The following QSER1 variants were observed in gnomAD, a reference collection of about 807,000 sequenced individuals.
QSER1 encodes glutamine and serine rich 1, also known as glutamine and serine-rich protein 1.
In QSER1, 49 loss-of-function variants were observed where a neutral mutation model predicts 158.5. The observed-to-expected ratio is 0.31, with a 90% confidence interval of 0.25 to 0.39. The LOEUF is 0.39. Among genes scored for constraint, QSER1 ranks in the 10% least tolerant of loss-of-function variants. The pLI, the probability that QSER1 is intolerant of heterozygous loss-of-function variation, is 1.00. For missense variants in QSER1, 1,754 were observed against 2,010.3 expected, an observed-to-expected ratio of 0.87 and a Z score of 2.44; for synonymous variants, 650 against 715.5, an observed-to-expected ratio of 0.91 and a Z score of 1.46.
At chr11:32,962,641 T>G (rs1488110677) in intron 8 of QSER1, among the ~76,000 whole-genome samples, 1 of 152,228 alleles carries the variant, frequency 6.6e-6, no homozygotes, top group African/African-American at 2.4e-5. Context: ...TGGTTCTAGC[T>G]CTTAAGGTCA....
chr11:32,943,920 A>G (rs1852284668), intron 4 of QSER1, among the ~76,000 whole-genome samples: 1 of 150,820 alleles, frequency 6.6e-6, no homozygotes, highest in East Asian at 2.0e-4. Flanking sequence ...AGATCCTGTT[A>G]TTGGTCTATT....
In QSER1 at chr11:32,932,830, A is replaced by C. The variant is rs367914802; in HGVS notation, c.1572A>C (p.Ser524=). Residue 524 remains serine, a synonymous_variant, in exon 4 of 13, where the codon TCA becomes TCC. Coordinates refer to ENST00000650167, the MANE Select transcript of QSER1 (RefSeq NM_001076786.3). Reference sequence around the variant, plus strand: ...CTGAAAATCAGACGCTTAATTATTCATCTAATCAGCAAGAGGTATTGTCTT... The same window carrying C: ...CTGAAAATCAGACGCTTAATTATTCCTCTAATCAGCAAGAGGTATTGTCTT... The part of the protein sequence containing the change: ...VTPENQTLNY[S]SNQQEVLSSV... The C allele has an allele frequency of 6.4e-5, 103 of 1,613,930 alleles. No homozygotes were observed. Among genetic ancestry groups the C allele is most frequent in the Non-Finnish European group, 8.0e-5 (94 of 1,179,982 alleles).
intron 1 of QSER1, among the ~76,000 whole-genome samples, chr11:32,897,938 T>TA (rs1406742682): frequency 2.0e-5 from 3 of 152,208 alleles, no homozygotes; most frequent in Admixed American, 6.5e-5. Flanking sequence ...TTGAATCTAA[T>TA]GTCTTGAAAC....
chr11:32,953,705 C>T, intron 4 of QSER1, 152 bp from the exon 5 acceptor site: 1 of 866,312 alleles, frequency 1.2e-6, no homozygotes, highest in Admixed American at 3.0e-5. Context: ...TGGAAATTAA[C>T]ATCTGTTGTC....
In QSER1 at chr11:32,933,609, T is replaced by G. The variant is rs1178184667; in HGVS notation, c.2351T>G (p.Leu784Arg). ...GGCCAAGTCAATAATGCAGCTACCC[T>G]TGATCTTAAGAACTCAACTAATTTA... ...QIGQVNNAATLDLKNSTNLIQ... is the reference protein window; with the variant it reads ...QIGQVNNAATRDLKNSTNLIQ... The change falls in exon 4 of 13, where the codon CTT becomes CGT. Residue 784 changes from leucine to arginine, a missense_variant. Physicochemically the swap from Leu to Arg is moderately radical, Grantham distance 102. Transcript: ENST00000650167. 6 of 1,613,914 alleles carry G rather than the reference T, an allele frequency of 3.7e-6. No individual in the cohort carries two copies. The highest frequency in any genetic ancestry group is 5.1e-6 in the Non-Finnish European group (6 of 1,179,954).
chr11:32,894,090 G>C (rs558871049), intron 1 of QSER1, among the ~76,000 whole-genome samples: 30 of 152,242 alleles, frequency 2.0e-4, no homozygotes, highest in Admixed American at 5.2e-4. Flanking sequence ...GGTTGGGGTG[G>C]GGGTAGTGAA....
At chr11:32,966,227 C>A in intron 8 of QSER1, 73 bp from the exon 9 acceptor site, 1 of 1,491,740 alleles carries the variant, frequency 6.7e-7, no homozygotes, top group South Asian at 1.3e-5. Flanking sequence ...CTTCTAGGGT[C>A]TCGTTATAGA....
chr11:32,952,593 T>C (rs989227578), intron 4 of QSER1, among the ~76,000 whole-genome samples: 2 of 152,172 alleles, frequency 1.3e-5, no homozygotes, highest in African/African-American at 2.4e-5. Context: ...GGTTTTGGTA[T>C]TGGAATAATA....
chr11:32,904,453 G>A (rs1020145071), intron 1 of QSER1, among the ~76,000 whole-genome samples: 37 of 152,102 alleles, frequency 2.4e-4, no homozygotes, highest in Admixed American at 1.2e-3. Flanking sequence ...GCCTCTCAAA[G>A]TGCTGGGATT....
intron 1 of QSER1, among the ~76,000 whole-genome samples, chr11:32,904,601 CT>C (rs61491135): frequency 0.035 from 4,055 of 114,328 alleles, 123 homozygotes; most frequent in African/African-American, 0.12. Flanking sequence ...CATATCCACT[CT>C]TTTTTTTTTT....
chr11:32,895,335 C>A (rs1422870381), intron 1 of QSER1, among the ~76,000 whole-genome samples: 2 of 152,152 alleles, frequency 1.3e-5, no homozygotes, highest in African/African-American at 4.8e-5. Context: ...GTTTACCCCC[C>A]TCCCCCGCCA....
chr11:32,920,667 T>C (rs1851888827), intron 1 of QSER1, among the ~76,000 whole-genome samples: 1 of 152,144 alleles, frequency 6.6e-6, no homozygotes, highest in Non-Finnish European at 1.5e-5. Flanking sequence ...ACTTTAATAA[T>C]AAAAAGATAA....
At chr11:32,894,772 T>A (rs1189960727) in intron 1 of QSER1, among the ~76,000 whole-genome samples, 1 of 152,208 alleles carries the variant, frequency 6.6e-6, no homozygotes, top group African/African-American at 2.4e-5. Flanking sequence ...GCTAAGTAAT[T>A]AAATGCTGAA....
At chr11:32,916,820 T>C (rs978386563) in intron 1 of QSER1, among the ~76,000 whole-genome samples, 2 of 151,120 alleles carry the variant, frequency 1.3e-5, no homozygotes, top group African/African-American at 4.9e-5. Context: ...AGAGTCTCGC[T>C]CTGTTGCCCA....
chr11:32,914,625 T>C (rs1346613531), intron 1 of QSER1, among the ~76,000 whole-genome samples: 3 of 152,218 alleles, frequency 2.0e-5, no homozygotes, highest in African/African-American at 7.2e-5. Flanking sequence ...GGAATGTGTT[T>C]TATTTCTTAA....
intron 1 of QSER1, among the ~76,000 whole-genome samples, chr11:32,922,389 A>C (rs1281084903): frequency 2.0e-5 from 3 of 152,162 alleles, no homozygotes; most frequent in Admixed American, 6.5e-5. Flanking sequence ...AACCCAATAA[A>C]AATGGGCAGA....
intron 4 of QSER1, among the ~76,000 whole-genome samples, chr11:32,952,667 T>C (rs1852442685): frequency 6.6e-6 from 1 of 152,162 alleles, no homozygotes; most frequent in Admixed American, 6.5e-5. Flanking sequence ...AAAAGATTGA[T>C]ATCTTCTTTA....
chr11:32,956,198 TATC>T, intron 7 of QSER1, 77 bp downstream of exon 7: 1 of 1,276,316 alleles, frequency 7.8e-7, no homozygotes, highest in Non-Finnish European at 1.1e-6. Flanking sequence ...CAAAGGAGCA[TATC>T]AATTAAATAG....
chr11:32,934,563 G>T lies in QSER1; in HGVS notation c.3305G>T (p.Ser1102Ile). 6.2e-7 allele frequency: 1 copy of T among 1,613,540 alleles called. No homozygotes were observed. Among genetic ancestry groups the T allele is most frequent in the Non-Finnish European group, 8.5e-7 (1 of 1,179,956 alleles). Residue 1102 changes from serine (S) to isoleucine (I), a missense_variant, in exon 4 of 13, where the codon AGT becomes ATT. Physicochemically the swap from Ser to Ile is moderately radical, Grantham distance 142. Coordinates refer to ENST00000650167, the MANE Select transcript of QSER1 (RefSeq NM_001076786.3). ...VGPSHEVQEQ[S>I]SGPFKKQSAT... Reference sequence around the variant, plus strand: ...CCAAGTCATGAAGTCCAGGAGCAAAGTTCTGGCCCATTCAAGAAACAGTCT... The same window carrying T: ...CCAAGTCATGAAGTCCAGGAGCAAATTTCTGGCCCATTCAAGAAACAGTCT...
Sources: allele counts gnomAD v4.1 joint callset (sites outside exome capture counted in the v4.1 genomes callset), GRCh38; gene constraint gnomAD v4.1.1; transcripts MANE v1.5; gene names NCBI Gene and HGNC (gene_info 2026-07-23, HGNC 2026-07-21).